DPH6: variants seen among roughly 807,000 people sequenced by gnomAD.
DPH6 encodes diphthine--ammonia ligase.
In DPH6, 33 loss-of-function variants were observed where a neutral mutation model predicts 38.2. The observed-to-expected ratio is 0.86, with a 90% confidence interval of 0.65 to 1.15. The LOEUF is 1.15. Among genes scored for constraint, DPH6 ranks in the 50% most tolerant of loss-of-function variants. DPH6 has a pLI of 0.00. For missense variants in DPH6, 325 were observed against 320.0 expected, an observed-to-expected ratio of 1.02 and a Z score of -0.12; for synonymous variants, 108 against 103.0, an observed-to-expected ratio of 1.05 and a Z score of -0.30.
At chr15:35,154,507 T>C in the DPH6 span, among the ~76,000 whole-genome samples, 1 of 152,134 alleles carries the variant, frequency 6.6e-6, no homozygotes, top group South Asian at 2.1e-4. Flanking sequence ...CTGGTGGTAA[T>C]TATTGTTCCC....
At chr15:35,418,266 A>G (rs1210775963) in intron 5 of DPH6, among the ~76,000 whole-genome samples, 1 of 152,182 alleles carries the variant, frequency 6.6e-6, no homozygotes, top group Non-Finnish European at 1.5e-5. Flanking sequence ...ATGTTGACAT[A>G]AATATCAATA....
chr15:35,438,800 C>T (rs1218368865), intron 5 of DPH6, among the ~76,000 whole-genome samples: 2 of 152,114 alleles, frequency 1.3e-5, no homozygotes, highest in Non-Finnish European at 2.9e-5. Flanking sequence ...ACGGAAACAG[C>T]CTTGGAGATT....
intron 3 of DPH6, among the ~76,000 whole-genome samples, chr15:35,231,058 G>A (rs2051514153): frequency 6.6e-6 from 1 of 152,194 alleles, no homozygotes; most frequent in African/African-American, 2.4e-5. Flanking sequence ...CTGTCTGTGG[G>A]CTCATTTCGG....
At chr15:35,312,630 A>G (rs1022602800) in intron 3 of DPH6, among the ~76,000 whole-genome samples, 1 of 152,232 alleles carries the variant, frequency 6.6e-6, no homozygotes, top group Non-Finnish European at 1.5e-5. Context: ...AATAACAGAC[A>G]TGACACAAAA....
At position 35,352,858 on chromosome 15, in the gene DPH6, C is replaced by T. The variant is rs569980084; in HGVS notation, n.207+20663G>A. On this transcript the variant is annotated intron_variant and non_coding_transcript_variant, in intron 3 of 3. Coordinates refer to the DPH6 transcript ENST00000558973. Reference sequence around the variant, plus strand: ...CTAGATTCCTGAGGAATCGCCACACCGACTTCCACAATGGTTGAACTAGTT... The same window carrying T: ...CTAGATTCCTGAGGAATCGCCACACTGACTTCCACAATGGTTGAACTAGTT... Among the ~76,000 whole-genome samples, 177 of 152,272 alleles carry T rather than the reference C, an allele frequency of 1.2e-3. 5 individuals carry two copies. In the South Asian group the frequency reaches 0.022, roughly 19 times the overall value.
intron 3 of DPH6, chr15:35,238,029 G>A: frequency 6.4e-7 from 1 of 1,556,660 alleles, no homozygotes; most frequent in Non-Finnish European, 8.9e-7. Context: ...AAGCGAAAAG[G>A]AGAACCTGAA....
intron 3 of DPH6, among the ~76,000 whole-genome samples, chr15:35,308,134 T>C (rs979458122): frequency 2.0e-5 from 3 of 152,090 alleles, no homozygotes; most frequent in Non-Finnish European, 4.4e-5. Flanking sequence ...CTGGATGTGG[T>C]GGCGTGCGCC....
chr15:35,490,342 A>G (rs1158330214), intron 3 of DPH6: 2 of 268,736 alleles, frequency 7.4e-6, no homozygotes, highest in African/African-American at 2.3e-5. Context: ...AATATAAAAC[A>G]TAATACCTTC....
chr15:35,436,678 A>C (rs565877297), intron 5 of DPH6, among the ~76,000 whole-genome samples: 2 of 151,950 alleles, frequency 1.3e-5, no homozygotes, highest in Admixed American at 1.3e-4. Flanking sequence ...CCCTGTCAGC[A>C]GTGAATACAG....
intron 3 of DPH6, among the ~76,000 whole-genome samples, chr15:35,270,016 TCTCC>T (rs2140426297): frequency 8.3e-6 from 1 of 120,050 alleles, no homozygotes; most frequent in African/African-American, 4.1e-5. Flanking sequence ...ATGGTCTCGA[TCTCC>T]GATCTCCTGA....
At chr15:35,298,990 C>A (rs1457540830) in intron 3 of DPH6, 1 of 754,942 alleles carries the variant, frequency 1.3e-6, no homozygotes, top group South Asian at 1.5e-5. Flanking sequence ...TCATCAGAAT[C>A]CGGATCTGAA....
chr15:35,285,412 G>A (rs2051934357), intron 3 of DPH6, among the ~76,000 whole-genome samples: 1 of 152,196 alleles, frequency 6.6e-6, no homozygotes, highest in Middle Eastern at 3.4e-3. Flanking sequence ...TAAGTCTCAC[G>A]AGATCTGATG....
At chr15:35,513,536 T>A (rs1433859350) in intron 3 of DPH6, among the ~76,000 whole-genome samples, 1 of 151,926 alleles carries the variant, frequency 6.6e-6, no homozygotes, top group Admixed American at 6.6e-5. Context: ...AAAAAGGATA[T>A]CATCTAATGC....
At chr15:35,453,375 C>T (rs1221538230) in intron 4 of DPH6, among the ~76,000 whole-genome samples, 1 of 152,052 alleles carries the variant, frequency 6.6e-6, no homozygotes, top group Non-Finnish European at 1.5e-5. Flanking sequence ...AGATGTCATC[C>T]CTATCTCCAG....
chr15:35,502,968 C>T (rs931370872), intron 3 of DPH6, among the ~76,000 whole-genome samples: 16 of 148,078 alleles, frequency 1.1e-4, no homozygotes, highest in African/African-American at 3.9e-4. Flanking sequence ...ACACACACAC[C>T]AGTGTGCCTG....
intron 3 of DPH6, among the ~76,000 whole-genome samples, chr15:35,316,321 T>C (rs1216956249): frequency 2.6e-5 from 4 of 152,176 alleles, no homozygotes; most frequent in Admixed American, 6.5e-5. Flanking sequence ...ACATCTGTTA[T>C]GCATCAAGAA....
intron 6 of DPH6, among the ~76,000 whole-genome samples, chr15:35,384,373 A>G (rs2052915131): frequency 6.6e-6 from 1 of 152,222 alleles, no homozygotes; most frequent in East Asian, 1.9e-4. Context: ...TCTTTCACTA[A>G]GTTATTCTTA....
intron 3 of DPH6, among the ~76,000 whole-genome samples, chr15:35,258,293 G>A (rs1210671432): frequency 6.6e-6 from 1 of 152,178 alleles, no homozygotes; most frequent in East Asian, 1.9e-4. Flanking sequence ...AAAGGAGAAG[G>A]ATGGGACAGT....
At chr15:35,325,358 T>C (rs577849061) in intron 3 of DPH6, among the ~76,000 whole-genome samples, 80 of 152,180 alleles carry the variant, frequency 5.3e-4, no homozygotes, top group Non-Finnish European at 1.1e-3. Flanking sequence ...GACACTGTGT[T>C]ACTAGAACAA....
Sources: allele counts gnomAD v4.1 joint callset (sites outside exome capture counted in the v4.1 genomes callset), GRCh38; gene constraint gnomAD v4.1.1; transcripts MANE v1.5; gene names NCBI Gene and HGNC (gene_info 2026-07-23, HGNC 2026-07-21).